The following FAM111A variants were observed in gnomAD, a reference collection of about 807,000 sequenced individuals.
FAM111A encodes the protein FAM111 trypsin like peptidase A, also known as serine protease FAM111A.
FAM111A carries 8 observed loss-of-function variants against 3.3 expected under a neutral mutation model. The observed-to-expected ratio is 2.39, with a 90% CI of 1.40 to 4.32. The LOEUF is 4.32. FAM111A is among the 30% of genes most tolerant of loss of function. The pLI, the probability that FAM111A is intolerant of heterozygous loss-of-function variation, is 0.00. For missense variants in FAM111A, 683 were observed against 727.6 expected, an observed-to-expected ratio of 0.94 and a Z score of 0.71; for synonymous variants, 227 against 243.1, an observed-to-expected ratio of 0.93 and a Z score of 0.62.
At position 59,152,628 on chromosome 11, in the gene FAM111A, A is replaced by C; in HGVS notation, c.960A>C (p.Val320=). The C allele has an allele frequency of 6.2e-7, 1 of 1,613,510 alleles. No homozygotes were observed. The highest frequency in any genetic ancestry group is 8.5e-7 in the Non-Finnish European group (1 of 1,179,894). ...AAAACTTCAAGAAAAAAATGAAAGT[A>C]AAAAATGGGGAAACATTATTTGAAT... The part of the protein sequence containing the change: ...IIENFKKKMK[V]KNGETLFELH... Residue 320 remains valine, a synonymous_variant, in exon 6 of 6, where the codon GTA becomes GTC. Transcript: ENST00000675163.
Position 59,152,301 on chromosome 11 carries a change from CTG to C in FAM111A, c.637_638del (p.Val213LeufsTer25), listed in dbSNP as rs778387222. On this transcript the variant is annotated frameshift_variant, in exon 6 of 6. Transcript: ENST00000675163. LOFTEE classifies it low-confidence loss of function (END_TRUNC). ...GKLHKKGRKL[C>X]VYAFKGETIK... Reference sequence around the variant, plus strand: ...AGCTTCACAAAAAGGGGCGCAAACTCTGTGTTTATGCTTTCAAAGGAGAAACC... The same window carrying C: ...AGCTTCACAAAAAGGGGCGCAAACTCTGTTTATGCTTTCAAAGGAGAAACC... 3.2e-5 allele frequency: 52 copies of C among 1,614,204 alleles called. No homozygotes were observed. The highest frequency in any genetic ancestry group is 1.6e-4 in the Middle Eastern group (1 of 6,062).
Position 59,153,167 on chromosome 11 carries a change from G to T in FAM111A, c.1499G>T (p.Arg500Leu), listed in dbSNP as rs187051503. 9.3e-6 allele frequency: 15 copies of T among 1,614,156 alleles called. No individual in the cohort carries two copies. The highest frequency in any genetic ancestry group is 1.3e-5 in the African/African-American group (1 of 75,038). The change falls in exon 6 of 6, where the codon CGT (arginine) becomes CTT (leucine). Residue 500 changes from arginine to leucine, a missense_variant. Arg to Leu is a moderately radical substitution (Grantham distance 102). Around this residue, in one of 3 missense-constraint regions of FAM111A, gnomAD observed 557 missense variants for 600.2 expected, o/e 0.93. Coordinates refer to ENST00000675163, the MANE Select transcript of FAM111A (RefSeq NM_001312909.2). ...QGQRAKKCQE[R>L]VQSKKAESPE... ...CAGCGAGCAAAGAAATGTCAGGAAC[G>T]TGTTCAGTCTAAAAAAGCAGAAAGT... is the stretch of plus-strand genomic sequence containing the variant.
At chr11:59,146,062 T>TTGTGTG (rs146138494) in intron 4 of FAM111A, among the ~76,000 whole-genome samples, 1 of 150,038 alleles carries the variant, frequency 6.7e-6, no homozygotes, top group African/African-American at 2.5e-5. Context: ...TATATATATA[T>TTGTGTG]TGTGTGTGTG....
rs148396354 is a variant in FAM111A at position 59,153,133 on chromosome 11, C to T, written c.1465C>T (p.Pro489Ser). ...KKQIDACAVIPQGQRAKKCQE... is the reference protein window; with the variant it reads ...KKQIDACAVISQGQRAKKCQE... ...GCAGATTGATGCTTGTGCTGTGATC[C>T]CTCAGGGTCAGCGAGCAAAGAAATG... Residue 489 changes from proline (P) to serine (S), a missense_variant, in exon 6 of 6, where the codon CCT (proline) becomes TCT (serine). By Grantham distance (74) the Pro-to-Ser change is moderately conservative. Around this residue, in one of 3 missense-constraint regions of FAM111A, gnomAD observed 557 missense variants for 600.2 expected, o/e 0.93. Transcript: ENST00000675163. The T allele has an allele frequency of 4.1e-4, 662 of 1,614,016 alleles. No individual in the cohort carries two copies. Among genetic ancestry groups the T allele is most frequent in the Non-Finnish European group, 5.3e-4 (621 of 1,180,034 alleles).
In FAM111A at chr11:59,152,266, A is replaced by G; in HGVS notation, c.598A>G (p.Lys200Glu). ...TGGGAAGTGTAAAAGAAGGATTGTT[A>G]AATGTGGGAAGCTTCACAAAAAGGG... Reference protein sequence around the residue: ...GIGKCKRRIVKCGKLHKKGRK... With the variant: ...GIGKCKRRIVECGKLHKKGRK... Residue 200 changes from lysine to glutamate, a missense_variant, in exon 6 of 6, where the codon AAA (lysine) becomes GAA (glutamate). Lys to Glu is a moderately conservative substitution (Grantham distance 56). Around this residue, in one of 3 missense-constraint regions of FAM111A, gnomAD observed 557 missense variants for 600.2 expected, o/e 0.93. Coordinates refer to ENST00000675163, the MANE Select transcript of FAM111A (RefSeq NM_001312909.2). The G allele has an allele frequency of 6.2e-7, 1 of 1,614,212 alleles. No individual in the cohort carries two copies. The highest frequency in any genetic ancestry group is 8.5e-7 in the Non-Finnish European group (1 of 1,180,036).
At chr11:59,149,171 T>C in intron 5 of FAM111A, 1 of 508,962 alleles carries the variant, frequency 2.0e-6, no homozygotes, top group Non-Finnish European at 3.5e-6. Flanking sequence ...CTCTGTAAAA[T>C]GTTGATATAC....
Position 59,153,869 on chromosome 11 carries a change from A to ATTTTTTTTTTTT in FAM111A, c.*371_*382dup, listed in dbSNP as rs71036504. ...GGCAAACGCCACCACACCCAGCTAA[A>ATTTTTTTTTTTT]TTTTTTTTTTTTTTTTTGTATTTTT... is the stretch of plus-strand genomic sequence containing the variant. On this transcript the variant is annotated 3_prime_UTR_variant, in exon 6 of 6. Coordinates refer to ENST00000675163, the MANE Select transcript of FAM111A (RefSeq NM_001312909.2). 1 of 142,444 alleles carries ATTTTTTTTTTTT rather than the reference A, an allele frequency of 7.0e-6. No homozygotes were observed. The highest frequency in any genetic ancestry group is 2.6e-5 in the African/African-American group (1 of 38,252). The allele number at this position is 142,444 out of a possible 1,614,324, so 8.8% of individuals were successfully genotyped here.
rs1430248894 is a variant in FAM111A at position 59,143,667 on chromosome 11, T to C, written c.-135T>C. 6.6e-6 allele frequency: 1 copy of C among 152,238 alleles called. No individual in the cohort carries two copies. The highest frequency in any genetic ancestry group is 1.9e-4 in the East Asian group (1 of 5,204). The allele number at this position is 152,238 out of a possible 1,614,324, so 9.4% of individuals were successfully genotyped here. On this transcript the variant is annotated 5_prime_UTR_variant, in exon 3 of 6. The change abolishes the stop of an existing upstream ORF in the 5' untranslated region. Coordinates refer to ENST00000675163, the MANE Select transcript of FAM111A (RefSeq NM_001312909.2). The stretch of plus-strand genomic sequence containing the variant: ...CGCTTCTTTCCAGGATAAAATACTC[T>C]AAGTGACAAATGTTGAGTACATTAT...
intron 3 of FAM111A, chr11:59,145,465 G>A (rs1177630137): frequency 6.6e-6 from 1 of 152,180 alleles, no homozygotes; most frequent in East Asian, 1.9e-4. Flanking sequence ...GTTGGTATAG[G>A]ATAGCTAAGA....
intron 3 of FAM111A, chr11:59,144,743 G>C (rs768628786): frequency 2.0e-5 from 3 of 152,338 alleles, no homozygotes; most frequent in Non-Finnish European, 2.9e-5. Context: ...TTGGTTCGCA[G>C]ACAACCTTTT....
intron 4 of FAM111A, 167 bp from the exon 5 acceptor site, chr11:59,148,630 C>G: frequency 2.2e-6 from 1 of 464,136 alleles, no homozygotes; most frequent in Non-Finnish European, 3.8e-6. Flanking sequence ...GTGCCTGACA[C>G]GCAGTGTTCT....
In FAM111A at chr11:59,146,080, C is replaced by CAG. The variant is rs146274712; in HGVS notation, c.-77+242_-77+243dup. 2.3e-3 allele frequency among the ~76,000 whole-genome samples: 339 copies of CAG among 146,010 alleles called. 4 individuals carry two copies. The highest frequency in any genetic ancestry group is 8.0e-3 in the African/African-American group (312 of 39,198). On this transcript the variant is annotated intron_variant, in intron 4 of 5. Transcript: ENST00000675163. ...ATATATATTGTGTGTGTGTGTGTGA[C>CAG]AGAGAGAGAGAGAGAGAGATGAAGT...
At position 59,153,697 on chromosome 11, in the gene FAM111A, G is replaced by GC; in HGVS notation, c.*196dup. 11 of 464,978 alleles carry GC rather than the reference G, an allele frequency of 2.4e-5. No individual in the cohort carries two copies. The highest frequency in any genetic ancestry group is 8.0e-5 in the Admixed American group (2 of 24,948). 28.8% of individuals were successfully genotyped at this position (464,978 alleles called of 1,614,324 possible). On this transcript the variant is annotated 3_prime_UTR_variant, in exon 6 of 6. Transcript: ENST00000675163. ...AACACTATGAGATGGACTATAACTT[G>GC]CCCAAATTTTTTTTTTTTTTTTGAG...
intron 4 of FAM111A, among the ~76,000 whole-genome samples, chr11:59,147,530 A>G (rs550883298): frequency 6.6e-6 from 1 of 152,348 alleles, no homozygotes; most frequent in South Asian, 2.1e-4. Flanking sequence ...ATAGTTGTTT[A>G]CATACTTTCC....
chr11:59,147,150 T>C (rs1861033329), intron 4 of FAM111A, among the ~76,000 whole-genome samples: 1 of 152,160 alleles, frequency 6.6e-6, no homozygotes, highest in African/African-American at 2.4e-5. Flanking sequence ...ACTGAGAAGA[T>C]GGCAGACTAG....
Position 59,151,855 on chromosome 11 carries a change from C to T in FAM111A, c.187C>T (p.Pro63Ser). 1 of 1,614,138 alleles carries T rather than the reference C, an allele frequency of 6.2e-7. No individual in the cohort carries two copies. Among genetic ancestry groups the T allele is most frequent in the African/African-American group, 1.3e-5 (1 of 75,034 alleles). Residue 63 changes from proline to serine, a missense_variant, in exon 6 of 6, where the codon CCT becomes TCT. Physicochemically the swap from Pro to Ser is moderately conservative, Grantham distance 74 (BLOSUM62 -1). Coordinates refer to ENST00000675163, the MANE Select transcript of FAM111A (RefSeq NM_001312909.2). ...TACCCAGGCTCAAAGATTCCATTCA[C>T]CTAAGAAAAATCCAGAAGACCAGAC... ...TNTQAQRFHS[P>S]KKNPEDQTMP... is the part of the protein sequence containing the mutation.
rs1041940776 is a variant in FAM111A, at chr11:59,153,618, C to T, written c.*114C>T. ...ATCTTATCAATAATAATAATATTGA[C>T]CATTTCCTATCTGCCAGGCATTTTT... On this transcript the variant is annotated 3_prime_UTR_variant, in exon 6 of 6. Coordinates refer to ENST00000675163, the MANE Select transcript of FAM111A (RefSeq NM_001312909.2). 11 of 755,328 alleles carry T rather than the reference C, an allele frequency of 1.5e-5. No homozygotes were observed. The highest frequency in any genetic ancestry group is 2.8e-5 in the East Asian group (1 of 36,338). 46.8% of individuals were successfully genotyped at this position (755,328 alleles called of 1,614,324 possible).
At chr11:59,143,739 A>T (rs931225308) in intron 3 of FAM111A, 44 bp downstream of exon 3, 5 of 152,252 alleles carry the variant, frequency 3.3e-5, no homozygotes, top group African/African-American at 7.2e-5. Flanking sequence ...ACACTCACAT[A>T]GCTTGCCAAC....
At chr11:59,147,202 C>T (rs977273291) in intron 4 of FAM111A, among the ~76,000 whole-genome samples, 2 of 152,054 alleles carry the variant, frequency 1.3e-5, no homozygotes, top group Non-Finnish European at 2.9e-5. Flanking sequence ...GTTTCAGGCT[C>T]TTTATGTTAA....
Sources: gnomAD v4.1 joint callset for allele counts (sites outside exome capture counted in the v4.1 genomes callset) on GRCh38, gnomAD v4.1.1 for gene constraint, gnomAD v4.1.1 regional missense constraint, MANE v1.5 for transcripts, NCBI Gene and HGNC (gene_info 2026-07-23, HGNC 2026-07-21) for gene names.